Variants in GLP2R observed in about 807,000 individuals in gnomAD.
GLP2R encodes glucagon-like peptide 2 receptor.
A neutral mutation model predicts 68.2 loss-of-function variants in GLP2R; 59 were observed. The ratio of observed to expected loss-of-function variants is 0.87; its 90% CI spans 0.70 to 1.07. The LOEUF is 1.07. GLP2R is among the 50% of genes least tolerant of loss of function. The probability of loss-of-function intolerance (pLI) is 0.00; values close to 1 mark genes in which losing one functional copy is unlikely to be tolerated. For missense variants in GLP2R, 548 were observed against 677.4 expected (o/e 0.81, Z 2.12); for synonymous variants, 270 against 265.4 (o/e 1.02, Z -0.17).
At chr17:9,868,225 G>C (rs537616796) in intron 9 of GLP2R, among the ~76,000 whole-genome samples, 77 of 152,324 alleles carry the variant, frequency 5.1e-4, no homozygotes, top group Non-Finnish European at 9.3e-4. Flanking sequence ...TGGGGAAAGA[G>C]TGTTTTGACT....
chr17:9,841,042 A>T (rs528392069), intron 3 of GLP2R, among the ~76,000 whole-genome samples: 12 of 145,376 alleles, frequency 8.3e-5, no homozygotes, highest in Non-Finnish European at 1.6e-4. Context: ...TTTGAGACAG[A>T]GTCTCCCTCT....
At chr17:9,844,490 C>T (rs536418930) in intron 4 of GLP2R, among the ~76,000 whole-genome samples, 2 of 151,518 alleles carry the variant, frequency 1.3e-5, no homozygotes, top group East Asian at 1.9e-4. Flanking sequence ...ATAGGTTTAC[C>T]GAGGAGCAAA....
chr17:9,870,961 A>G (rs763738030), intron 10 of GLP2R, 126 bp downstream of exon 10: 3 of 652,486 alleles, frequency 4.6e-6, no homozygotes, highest in African/African-American at 1.8e-5. Context: ...CAGTTCTGGG[A>G]AGGTGCTATA....
At chr17:9,835,024 C>A (rs76187706) in intron 2 of GLP2R, among the ~76,000 whole-genome samples, 1 of 120,704 alleles carries the variant, frequency 8.3e-6, no homozygotes, top group African/African-American at 3.2e-5. Flanking sequence ...AGAAACCTGG[C>A]CTTTTTTTTT....
Position 9,854,582 on chromosome 17 carries a change from AC to A in GLP2R, c.595del (p.Leu199SerfsTer17). On this transcript the variant is annotated frameshift_variant, in exon 5 of 13. Transcript: ENST00000262441. LOFTEE classifies it high-confidence loss of function. The stretch of plus-strand genomic sequence containing the variant: ...TCTTATCTCCCTCTTCCTGGCTCTC[AC>A]CCTCCTCTTGTTTCTTCGGTGAGTA... Reference protein sequence around the residue: ...FSLISLFLALTLLLFLRKLHC... With the variant: ...FSLISLFLALXLLLFLRKLHC... 6.2e-7 allele frequency: 1 copy of A among 1,601,974 alleles called. No individual in the cohort carries two copies. Among genetic ancestry groups the A allele is most frequent in the Non-Finnish European group, 8.5e-7 (1 of 1,169,916 alleles).
chr17:9,884,619 C>T (rs7220208), intron 11 of GLP2R, among the ~76,000 whole-genome samples: 9,180 of 152,128 alleles, frequency 0.06, 932 homozygotes, highest in African/African-American at 0.21. Flanking sequence ...TGTGTCCGCC[C>T]ACTGCATGCT....
intron 9 of GLP2R, among the ~76,000 whole-genome samples, 176 bp downstream of exon 9, chr17:9,862,266 C>T (rs1216665481): frequency 1.3e-5 from 2 of 152,176 alleles, no homozygotes; most frequent in Non-Finnish European, 2.9e-5. Context: ...TTCAGGACCT[C>T]AATTTGGAGT....
rs757193210 is a variant in GLP2R, at chr17:9,836,353, C to A, written c.278-18C>A. The stretch of plus-strand genomic sequence containing the variant: ...TGCTAAAACACTGATGTTTATCAGA[C>A]CCTTCTTCTCTCTGTAGGCATATTT... On this transcript the variant is annotated intron_variant, in intron 2 of 12. Coordinates refer to ENST00000262441, the MANE Select transcript of GLP2R (RefSeq NM_004246.3). 3 of 1,506,556 alleles carry A rather than the reference C, an allele frequency of 2.0e-6. No homozygotes were observed. The South Asian group carries it at 3.4e-5, about 17-fold the overall frequency. 93.3% of individuals were successfully genotyped at this position (1,506,556 alleles called of 1,614,324 possible).
At chr17:9,844,222 G>A (rs1451944856) in intron 4 of GLP2R, among the ~76,000 whole-genome samples, 1 of 152,208 alleles carries the variant, frequency 6.6e-6, no homozygotes, top group Non-Finnish European at 1.5e-5. Flanking sequence ...AGGTGGTGAA[G>A]GCCTCCTGTG....
chr17:9,880,428 T>A lies in GLP2R; in HGVS notation c.1196T>A (p.Ile399Asn). 6.2e-7 allele frequency: 1 copy of A among 1,601,646 alleles called. No individual in the cohort carries two copies. Among genetic ancestry groups the A allele is most frequent in the Non-Finnish European group, 8.5e-7 (1 of 1,170,302 alleles). Reference protein sequence around the residue: ...VLIPLLGVHEILFSFITDDQV... With the variant: ...VLIPLLGVHENLFSFITDDQV... Reference sequence around the variant, plus strand: ...ATTCCTTTATTGGGCGTTCATGAGATCCTCTTCTCTTTCATCACTGATGAT... The same window carrying A: ...ATTCCTTTATTGGGCGTTCATGAGAACCTCTTCTCTTTCATCACTGATGAT... The change falls in exon 11 of 13, where the codon ATC (isoleucine) becomes AAC (asparagine). Residue 399 changes from isoleucine (I) to asparagine (N), a missense_variant. By Grantham distance (149) the Ile-to-Asn change is moderately radical. Coordinates refer to ENST00000262441, the MANE Select transcript of GLP2R (RefSeq NM_004246.3).
At chr17:9,879,281 TAAAATAAAATAAATA>T (rs1469596323) in intron 10 of GLP2R, among the ~76,000 whole-genome samples, 19 of 26,206 alleles carry the variant, frequency 7.3e-4, no homozygotes, top group East Asian at 1.3e-3. Context: ...TAAAATAAAA[TAAAATAAAATAAATA>T]AAATAAAATA....
At chr17:9,859,512 G>T (rs373340164) in intron 6 of GLP2R, among the ~76,000 whole-genome samples, 1 of 152,030 alleles carries the variant, frequency 6.6e-6, no homozygotes, top group East Asian at 1.9e-4. Flanking sequence ...GAGGGAGGGG[G>T]CCGGGCACGG....
intron 10 of GLP2R, among the ~76,000 whole-genome samples, chr17:9,873,395 G>A (rs1013020572): frequency 2.4e-4 from 37 of 151,960 alleles, no homozygotes; most frequent in Non-Finnish European, 1.5e-5. Context: ...CAGCATCCCC[G>A]GACAGCTGGC....
Position 9,867,780 on chromosome 17 carries a change from T to TTAAA in GLP2R, c.1057-2967_1057-2966insTAAA, listed in dbSNP as rs554374734. Among the ~76,000 whole-genome samples, 513 of 152,254 alleles carry TTAAA rather than the reference T, an allele frequency of 3.4e-3. 3 individuals are homozygous for TTAAA. The highest frequency in any genetic ancestry group is 0.012 in the African/African-American group (481 of 41,550). ...TGAACCATCTGTTGACTTTATGAAA[T>TTAAA]CATAAAGTCAAAAGCCTGCATTTGC... On this transcript the variant is annotated intron_variant, in intron 9 of 12. Transcript: ENST00000262441.
Position 9,879,525 on chromosome 17 carries a change from A to T in GLP2R, c.1146-853A>T, listed in dbSNP as rs572154147. The stretch of plus-strand genomic sequence containing the variant: ...AAAAAAATTAACTTCCTGGGACCCA[A>T]CCTCCAGAGGTGTGGATTCAGGGAG... On this transcript the variant is annotated intron_variant, in intron 10 of 12. Transcript: ENST00000262441. 2.0e-3 allele frequency among the ~76,000 whole-genome samples: 301 copies of T among 151,880 alleles called. 1 individual carries two copies. The highest frequency in any genetic ancestry group is 3.6e-3 in the Non-Finnish European group (242 of 67,964).
At chr17:9,844,745 C>A (rs1407696587) in intron 4 of GLP2R, among the ~76,000 whole-genome samples, 1 of 116,254 alleles carries the variant, frequency 8.6e-6, no homozygotes, top group Non-Finnish European at 1.6e-5. Flanking sequence ...GGCTGGAGTG[C>A]AATGGCATGA....
chr17:9,844,501 A>G (rs2066818169), intron 4 of GLP2R, among the ~76,000 whole-genome samples: 1 of 151,492 alleles, frequency 6.6e-6, no homozygotes, highest in Admixed American at 6.6e-5. Context: ...GAGGAGCAAA[A>G]CGGTAGGACC....
chr17:9,831,498 G>T (rs1484205087), intron 1 of GLP2R, among the ~76,000 whole-genome samples: 7 of 152,156 alleles, frequency 4.6e-5, no homozygotes, highest in African/African-American at 1.4e-4. Flanking sequence ...ACAAGCTCAA[G>T]ACTCAGGGAG....
At chr17:9,859,363 G>T (rs982864019) in intron 6 of GLP2R, among the ~76,000 whole-genome samples, 27 of 151,988 alleles carry the variant, frequency 1.8e-4, no homozygotes, top group Admixed American at 2.6e-4. Flanking sequence ...CTACATTTTT[G>T]TTTGTCTAAA....
Sources: gnomAD v4.1 joint callset for allele counts (sites outside exome capture counted in the v4.1 genomes callset) on GRCh38, gnomAD v4.1.1 for gene constraint, MANE v1.5 for transcripts, NCBI Gene and HGNC (gene_info 2026-07-23, HGNC 2026-07-21) for gene names.